ACOXL: variants seen among roughly 807,000 people sequenced by gnomAD.
The protein encoded by ACOXL is acyl-CoA oxidase like.
A neutral mutation model predicts 71.9 loss-of-function variants in ACOXL; 70 were observed. That is an observed-to-expected ratio of 0.97 (90% confidence interval 0.80 to 1.19). The LOEUF (loss-of-function observed/expected upper bound fraction) is 1.19, where lower values mean the gene tolerates loss of function less well. ACOXL is among the 50% of genes most tolerant of loss of function. The probability of loss-of-function intolerance (pLI) is 0.00; values close to 1 mark genes in which losing one functional copy is unlikely to be tolerated. For missense variants in ACOXL, 703 were observed against 736.3 expected (o/e 0.95, Z 0.52); for synonymous variants, 253 against 281.6 (o/e 0.90, Z 1.02).
chr2:110,916,748 T>C (rs1470179393), intron 11 of ACOXL, among the ~76,000 whole-genome samples: 1 of 152,124 alleles, frequency 6.6e-6, no homozygotes, highest in African/African-American at 2.4e-5. Flanking sequence ...CCCACAGAAA[T>C]ACAAACTACC....
chr2:110,900,226 T>C (rs998939564), intron 10 of ACOXL, among the ~76,000 whole-genome samples: 13 of 152,082 alleles, frequency 8.5e-5, no homozygotes, highest in Non-Finnish European at 1.8e-4. Context: ...ACTTTAACCC[T>C]GAAGCTCTTT....
intron 17 of ACOXL, among the ~76,000 whole-genome samples, chr2:111,111,740 C>A (rs114906519): frequency 0.012 from 1,857 of 152,192 alleles, 43 homozygotes; most frequent in African/African-American, 0.043. Flanking sequence ...CATGGAAATA[C>A]CAGAGTTAGA....
chr2:110,859,922 C>T (rs534417921), intron 10 of ACOXL, among the ~76,000 whole-genome samples: 1 of 152,184 alleles, frequency 6.6e-6, no homozygotes, highest in Non-Finnish European at 1.5e-5. Context: ...AAAGCCATTT[C>T]CTTGCCCTTC....
chr2:111,041,015 C>A (rs1353168453), intron 15 of ACOXL, among the ~76,000 whole-genome samples: 2 of 151,902 alleles, frequency 1.3e-5, no homozygotes, highest in African/African-American at 4.8e-5. Context: ...AGCAGGCCTG[C>A]GTGGAGGGGT....
chr2:110,792,557 A>G (rs1034327681), intron 3 of ACOXL, among the ~76,000 whole-genome samples: 3 of 152,304 alleles, frequency 2.0e-5, no homozygotes, highest in African/African-American at 7.2e-5. Context: ...CAGGAGGCCA[A>G]GGTGGGAGGA....
intron 16 of ACOXL, among the ~76,000 whole-genome samples, chr2:111,051,248 A>C (rs2066275956): frequency 6.6e-6 from 1 of 152,144 alleles, no homozygotes; most frequent in African/African-American, 2.4e-5. Flanking sequence ...ATCAGAAGGC[A>C]CCATGTGGGT....
rs565055561 is a variant in ACOXL, at chr2:110,737,531, CT to C, written c.-23+4762del. ...ATATTTTATTTCCTTCTGTCACAAC[CT>C]TTTTATTTCTTCAGAGATAATTGTC... On this transcript the variant is annotated intron_variant, in intron 1 of 17. Transcript: ENST00000439055. Among the ~76,000 whole-genome samples, 12 of 152,268 alleles carry C rather than the reference CT, an allele frequency of 7.9e-5. No homozygotes were observed. The South Asian group carries it at 1.9e-3, about 24-fold the overall frequency.
intron 13 of ACOXL, among the ~76,000 whole-genome samples, chr2:110,989,428 T>C (rs1375680156): frequency 6.6e-6 from 1 of 152,246 alleles, no homozygotes. Context: ...ATCAGAAATG[T>C]AATTCAGAAT....
chr2:111,031,111 A>G (rs574958736), intron 14 of ACOXL, among the ~76,000 whole-genome samples: 4 of 152,322 alleles, frequency 2.6e-5, no homozygotes, highest in Non-Finnish European at 1.5e-5. Flanking sequence ...TCTGGATCCT[A>G]TCTCCAGGTT....
chr2:110,754,064 C>T (rs1679352981), intron 1 of ACOXL, among the ~76,000 whole-genome samples: 1 of 142,456 alleles, frequency 7.0e-6, no homozygotes, highest in African/African-American at 2.6e-5. Flanking sequence ...GTGTGTAGTT[C>T]TGTGAATTTT....
At chr2:111,029,892 G>A (rs1308348642) in intron 14 of ACOXL, among the ~76,000 whole-genome samples, 1 of 152,074 alleles carries the variant, frequency 6.6e-6, no homozygotes, top group African/African-American at 2.4e-5. Context: ...TCTGAGGGGT[G>A]CAGTTGTAGC....
At chr2:110,880,056 G>T (rs1573964040) in intron 10 of ACOXL, among the ~76,000 whole-genome samples, 2 of 150,192 alleles carry the variant, frequency 1.3e-5, no homozygotes, top group Middle Eastern at 6.8e-3. Context: ...TGAGGCAGGA[G>T]AATTGCTTGA....
At chr2:111,112,548 A>G (rs182649611) in intron 17 of ACOXL, among the ~76,000 whole-genome samples, 1 of 152,232 alleles carries the variant, frequency 6.6e-6, no homozygotes, top group East Asian at 1.9e-4. Flanking sequence ...GTCTAAAGGG[A>G]AAGCAATTCT....
At chr2:110,836,341 G>T (rs924228301) in intron 9 of ACOXL, among the ~76,000 whole-genome samples, 1 of 152,186 alleles carries the variant, frequency 6.6e-6, no homozygotes, top group Admixed American at 6.5e-5. Flanking sequence ...AGCATCTCAT[G>T]ACCCTGTTTG....
chr2:110,776,145 A>G (rs1189452669), intron 2 of ACOXL, among the ~76,000 whole-genome samples: 2 of 152,258 alleles, frequency 1.3e-5, no homozygotes, highest in Admixed American at 1.3e-4. Context: ...GGAAGACGTT[A>G]TGCTGAGTGA....
At chr2:110,973,362 G>A (rs2062300711) in intron 12 of ACOXL, among the ~76,000 whole-genome samples, 1 of 152,150 alleles carries the variant, frequency 6.6e-6, no homozygotes, top group South Asian at 2.1e-4. Context: ...CCAAGATGAT[G>A]GTATAGGAGG....
In ACOXL at chr2:110,905,269, C is replaced by T. The variant is rs147284945; in HGVS notation, c.789-3520C>T. Among the ~76,000 whole-genome samples, 74 of 152,200 alleles carry T rather than the reference C, an allele frequency of 4.9e-4. 1 individual carries two copies. Among genetic ancestry groups the T allele is most frequent in the Admixed American group, 7.9e-4 (12 of 15,284 alleles). ...TTTGGGGAGAGGGCATGTGGCTGAG[C>T]CACCAAAAATGAGTCCAATTAGACA... On this transcript the variant is annotated intron_variant, in intron 10 of 17. Coordinates refer to ENST00000439055, the MANE Select transcript of ACOXL (RefSeq NM_001142807.4).
At chr2:111,083,490 A>C (rs1328032680) in intron 16 of ACOXL, among the ~76,000 whole-genome samples, 5 of 152,172 alleles carry the variant, frequency 3.3e-5, no homozygotes, top group Admixed American at 6.5e-5. Flanking sequence ...TAATTCTCCC[A>C]ACAATGATGT....
At chr2:110,909,621 G>A (rs2037040) in intron 11 of ACOXL, among the ~76,000 whole-genome samples, 73,017 of 151,482 alleles carry the variant, frequency 0.48, 18,354 homozygotes, top group East Asian at 0.6. Flanking sequence ...GTTAACTCCA[G>A]TCATTCATTT....
Sources: allele counts gnomAD v4.1 joint callset (sites outside exome capture counted in the v4.1 genomes callset), GRCh38; gene constraint gnomAD v4.1.1; transcripts MANE v1.5; gene names NCBI Gene and HGNC (gene_info 2026-07-23, HGNC 2026-07-21).